Variants in SZT2 observed in about 807,000 individuals in gnomAD.
The protein encoded by SZT2 is SZT2 subunit of KICSTOR complex, also known as KICSTOR complex protein SZT2.
SZT2 carries 216 observed loss-of-function variants against 404.2 expected under a neutral mutation model. The ratio of observed to expected loss-of-function variants is 0.53; its 90% confidence interval spans 0.48 to 0.60. The LOEUF is 0.60. Among genes scored for constraint, SZT2 ranks in the 20% least tolerant of loss-of-function variants. SZT2 has a pLI of 0.00. For synonymous variants in SZT2, 1,693 were observed against 1,749.9 expected, an observed-to-expected ratio of 0.97 and a Z score of 0.81; for missense variants, 3,857 against 4,459.2, an observed-to-expected ratio of 0.86 and a Z score of 3.85.
At chr1:43,415,519 T>G (rs1309145574) in intron 5 of SZT2, among the ~76,000 whole-genome samples, 1 of 152,208 alleles carries the variant, frequency 6.6e-6, no homozygotes, top group African/African-American at 2.4e-5. Context: ...GTTAGCATTT[T>G]GTACAATCAG....
At chr1:43,447,450 G>T (rs1655812216) in intron 66 of SZT2, 95 bp from the exon 67 acceptor site, 1 of 1,509,266 alleles carries the variant, frequency 6.6e-7, no homozygotes, top group African/African-American at 1.4e-5. Context: ...CTGCCTGCCA[G>T]TCAGAGCCTT....
At chr1:43,397,073 C>G (rs1422819525) in intron 1 of SZT2, among the ~76,000 whole-genome samples, 1 of 152,102 alleles carries the variant, frequency 6.6e-6, no homozygotes. Context: ...TACATGTATT[C>G]AACAGTTATT....
At position 43,432,805 on chromosome 1, in the gene SZT2, C is replaced by T; in HGVS notation, c.5602+6C>T. 6.2e-7 allele frequency: 1 copy of T among 1,613,454 alleles called. No individual in the cohort carries two copies. The highest frequency in any genetic ancestry group is 8.5e-7 in the Non-Finnish European group (1 of 1,179,716). On this transcript the variant is annotated splice_donor_region_variant and intron_variant, in intron 39 of 71. Coordinates refer to ENST00000634258, the MANE Select transcript of SZT2 (RefSeq NM_001365999.1). Reference sequence around the variant, plus strand: ...TGTGGACTCAGACCACCTAGGTAAGCTGGGGGGACGGGGTGAAGGACTCTA... The same window carrying T: ...TGTGGACTCAGACCACCTAGGTAAGTTGGGGGGACGGGGTGAAGGACTCTA...
chr1:43,413,373 C>T (rs754570380), intron 4 of SZT2, among the ~76,000 whole-genome samples: 3 of 152,182 alleles, frequency 2.0e-5, no homozygotes, highest in Non-Finnish European at 4.4e-5. Flanking sequence ...CAGAGCAAGA[C>T]TCCATCTCAA....
chr1:43,422,852 C>T lies in SZT2; in HGVS notation c.2006C>T (p.Pro669Leu). The T allele has an allele frequency of 6.3e-7, 1 of 1,591,738 alleles. No individual in the cohort carries two copies. The highest frequency in any genetic ancestry group is 8.5e-7 in the Non-Finnish European group (1 of 1,176,818). The change falls in exon 14 of 72, where the codon CCC becomes CTC. Residue 669 changes from proline to leucine, a missense_variant. Pro to Leu is a moderately conservative substitution (Grantham distance 98). Transcript: ENST00000634258. Reference sequence around the variant, plus strand: ...TGCATGGTTCTTCGCCTGGGTTTTCCCATTGGCACACCAGCACCGGCCCGG... The same window carrying T: ...TGCATGGTTCTTCGCCTGGGTTTTCTCATTGGCACACCAGCACCGGCCCGG... ...APCMVLRLGF[P>L]IGTPAPARHK...
Position 43,452,088 on chromosome 1 carries a change from C to G in SZT2, c.*1608C>G. ...CCCATCAGTCAGTCACTGGTCAAGGCCCTCACCTGTTCCTCTGACCTAGGC... is the reference window on the plus strand; with the variant it reads ...CCCATCAGTCAGTCACTGGTCAAGGGCCTCACCTGTTCCTCTGACCTAGGC... On this transcript the variant is annotated 3_prime_UTR_variant, in exon 72 of 72. Transcript: ENST00000634258. The G allele has an allele frequency of 1.3e-6, 2 of 1,524,826 alleles. No individual in the cohort carries two copies. The highest frequency in any genetic ancestry group is 1.8e-6 in the Non-Finnish European group (2 of 1,109,506). The allele number at this position is 1,524,826 out of a possible 1,614,324, so 94.5% of individuals were successfully genotyped here. A position where few individuals can be genotyped will look rare whatever the true frequency, so the allele number is the denominator to read the frequency against.
chr1:43,424,769 T>C lies in SZT2; in HGVS notation c.2472-15T>C. On this transcript the variant is annotated splice_polypyrimidine_tract_variant and intron_variant, in intron 16 of 71. Coordinates refer to ENST00000634258, the MANE Select transcript of SZT2 (RefSeq NM_001365999.1). This position sits in a 1 kb window ranked among gnomAD's most constrained non-coding sequence, Gnocchi z 4.1. The stretch of plus-strand genomic sequence containing the variant: ...CCCTTATCCTGGCCTTGCCCCGGCC[T>C]TTATGGGGCTTCAGAGTCCGACTTT... The C allele has an allele frequency of 6.2e-7, 1 of 1,613,288 alleles. No individual in the cohort carries two copies. Among genetic ancestry groups the C allele is most frequent in the East Asian group, 2.2e-5 (1 of 44,866 alleles).
chr1:43,423,601 G>C (rs1274809095), intron 15 of SZT2, among the ~76,000 whole-genome samples: 1 of 149,932 alleles, frequency 6.7e-6, no homozygotes, highest in Non-Finnish European at 1.5e-5. Flanking sequence ...GGTATGAGTG[G>C]TACAGAGGTG....
chr1:43,426,774 A>C lies in SZT2; in HGVS notation c.3274A>C (p.Thr1092Pro), dbSNP rs973226216. The change falls in exon 23 of 72, where the codon ACC (threonine) becomes CCC (proline). Residue 1092 changes from threonine to proline, a missense_variant. Around this residue, in one of 7 missense-constraint regions of SZT2, gnomAD observed 1,725 missense variants for 1,881.0 expected, o/e 0.92. Transcript: ENST00000634258. The surrounding 1 kb of genome is among the most constrained non-coding windows in gnomAD (Gnocchi z 4.9). The stretch of plus-strand genomic sequence containing the variant: ...CCCGAAGGAGCAAGCAGTCGGCAGC[A>C]CCCAGGCCACAGGAGACTCCGCTTT... ...GIPKEQAVGSTQATGDSAFTS... is the reference protein window; with the variant it reads ...GIPKEQAVGSPQATGDSAFTS... 6.2e-7 allele frequency: 1 copy of C among 1,613,780 alleles called. No homozygotes were observed. Among genetic ancestry groups the C allele is most frequent in the Non-Finnish European group, 8.5e-7 (1 of 1,179,904 alleles).
rs1219367627 is a variant in SZT2, at chr1:43,442,622, C to T, written c.8151+4C>T. On this transcript the variant is annotated splice_donor_region_variant and intron_variant, in intron 58 of 71. Transcript: ENST00000634258. The surrounding 1 kb of genome is among the most constrained non-coding windows in gnomAD (Gnocchi z 4.5). Reference sequence around the variant, plus strand: ...CTTCCCCGTGCGAGATGAAAAGGTGCCTGCTGCTCTGGTTCTTCCTATAGT... The same window carrying T: ...CTTCCCCGTGCGAGATGAAAAGGTGTCTGCTGCTCTGGTTCTTCCTATAGT... The T allele has an allele frequency of 1.9e-6, 3 of 1,595,334 alleles. No individual in the cohort carries two copies. The highest frequency in any genetic ancestry group is 2.6e-6 in the Non-Finnish European group (3 of 1,169,324).
In SZT2 at chr1:43,446,162, CTTT is replaced by C; in HGVS notation, c.8917-13_8917-11del. ...CTGGTGAGCCCCCAAACCTTGCCCCCTTTTTTGTTTCTTCAGAGCACTAGCTCT... is the reference window on the plus strand; with the variant it reads ...CTGGTGAGCCCCCAAACCTTGCCCCCTTTGTTTCTTCAGAGCACTAGCTCT... On this transcript the variant is annotated splice_polypyrimidine_tract_variant and intron_variant, in intron 63 of 71. Coordinates refer to ENST00000634258, the MANE Select transcript of SZT2 (RefSeq NM_001365999.1). 6.2e-7 allele frequency: 1 copy of C among 1,614,188 alleles called. No homozygotes were observed. Among genetic ancestry groups the C allele is most frequent in the Non-Finnish European group, 8.5e-7 (1 of 1,180,010 alleles).
chr1:43,427,456 C>T lies in SZT2; in HGVS notation c.3598+11C>T, dbSNP rs763970397. The T allele has an allele frequency of 5.6e-6, 9 of 1,611,570 alleles. No homozygotes were observed. In the Admixed American group the frequency reaches 1.0e-4, roughly 18 times the overall value. ...TGACCCTGGCTAGTGGTAAGGCTGC[C>T]GACTCAAGGTGGGCAGGAGTGGGAG... On this transcript the variant is annotated intron_variant, in intron 25 of 71. Transcript: ENST00000634258.
rs764308684 is a variant in SZT2 at position 43,437,559 on chromosome 1, A to C, written c.6291-36A>C. On this transcript the variant is annotated intron_variant, in intron 44 of 71. Coordinates refer to ENST00000634258, the MANE Select transcript of SZT2 (RefSeq NM_001365999.1). This position sits in a 1 kb window ranked among gnomAD's most constrained non-coding sequence, Gnocchi z 5.3. ...GGGCATGAATTAAGGATGGCCTGGG[A>C]GGAGGCATGTCCAAAGACATGCTGC... is the stretch of plus-strand genomic sequence containing the variant. 1 of 1,614,008 alleles carries C rather than the reference A, an allele frequency of 6.2e-7. No individual in the cohort carries two copies. The highest frequency in any genetic ancestry group is 1.1e-5 in the South Asian group (1 of 91,078).
In SZT2 at chr1:43,427,328, G is replaced by A. The variant is rs2153933359; in HGVS notation, c.3481G>A (p.Glu1161Lys). The change falls in exon 25 of 72, where the codon GAG becomes AAG. Residue 1161 changes from glutamate (E) to lysine (K), a missense_variant. Physicochemically the swap from Glu to Lys is moderately conservative, Grantham distance 56. Transcript: ENST00000634258. Reference sequence around the variant, plus strand: ...TGGCCTGGAGGGACCCCCTCAAGAGGAGACAAAGCCTAAGTTTGGGGATTG... The same window carrying A: ...TGGCCTGGAGGGACCCCCTCAAGAGAAGACAAAGCCTAAGTTTGGGGATTG... ...ACGLEGPPQEETKPKFGDWSG... is the reference protein window; with the variant it reads ...ACGLEGPPQEKTKPKFGDWSG... 6.2e-7 allele frequency: 1 copy of A among 1,613,904 alleles called. No homozygotes were observed. The highest frequency in any genetic ancestry group is 1.7e-4 in the Middle Eastern group (1 of 6,058).
chr1:43,437,635 G>C lies in SZT2; in HGVS notation c.6331G>C (p.Asp2111His). Residue 2111 changes from aspartate (D) to histidine (H), a missense_variant, in exon 45 of 72, where the codon GAT (aspartate) becomes CAT (histidine). Physicochemically the swap from Asp to His is moderately conservative, Grantham distance 81. Transcript: ENST00000634258. The surrounding 1 kb of genome is among the most constrained non-coding windows in gnomAD (Gnocchi z 5.3). ...CTGCAGTGACCGGCCATGGAAAGGG[G>C]ATGCGCTGCCCCCTTCCCTCGCTCT... ...TSCSDRPWKG[D>H]ALPPSLALSR... 1 of 1,614,100 alleles carries C rather than the reference G, an allele frequency of 6.2e-7. No individual in the cohort carries two copies. Among genetic ancestry groups the C allele is most frequent in the Non-Finnish European group, 8.5e-7 (1 of 1,180,010 alleles).
rs1265127811 is a variant in SZT2 at position 43,446,643 on chromosome 1, A to G, written c.9072+227A>G. The G allele has an allele frequency of 4.7e-6, 3 of 638,268 alleles. No individual in the cohort carries two copies. In the Admixed American group the frequency reaches 8.2e-5, roughly 18 times the overall value. 39.5% of individuals were successfully genotyped at this position (638,268 alleles called of 1,614,324 possible). ...CAAAGCGTGTTCAGCTGTAGCCCTG[A>G]GGCAGCACAGTGCCTGGTCTGGCCT... is the stretch of plus-strand genomic sequence containing the variant. On this transcript the variant is annotated intron_variant, in intron 65 of 71. Transcript: ENST00000634258.
At position 43,426,196 on chromosome 1, in the gene SZT2, C is replaced by T. The variant is rs1273449696; in HGVS notation, c.3043+45C>T. ...TTTCACCCCACACCTAAAGGGCCAG[C>T]AAGCCTGGAAGTATTAGAAAATAAC... On this transcript the variant is annotated intron_variant, in intron 21 of 71. Coordinates refer to ENST00000634258, the MANE Select transcript of SZT2 (RefSeq NM_001365999.1). The surrounding 1 kb of genome is among the most constrained non-coding windows in gnomAD (Gnocchi z 4.9). 1 of 1,593,254 alleles carries T rather than the reference C, an allele frequency of 6.3e-7. No homozygotes were observed.
intron 65 of SZT2, 79 bp from the exon 66 acceptor site, chr1:43,446,876 C>T: frequency 6.9e-7 from 1 of 1,451,012 alleles, no homozygotes; most frequent in Admixed American, 1.8e-5. Context: ...TGTGCTTCTT[C>T]CCACGGAAGG....
rs890232070 is a variant in SZT2 at position 43,426,001 on chromosome 1, C to T, written c.2930-37C>T. 10 of 1,613,166 alleles carry T rather than the reference C, an allele frequency of 6.2e-6. No homozygotes were observed. The highest frequency in any genetic ancestry group is 8.5e-6 in the Non-Finnish European group (10 of 1,179,190). On this transcript the variant is annotated intron_variant, in intron 20 of 71. Transcript: ENST00000634258. The surrounding 1 kb of genome is among the most constrained non-coding windows in gnomAD (Gnocchi z 4.9). Reference sequence around the variant, plus strand: ...GGAGCAGGGGAGTGGGTAGGGTAATCTGCGTCTCACTGTGTCCTGTCCTTC... The same window carrying T: ...GGAGCAGGGGAGTGGGTAGGGTAATTTGCGTCTCACTGTGTCCTGTCCTTC...
Sources: gnomAD v4.1 joint callset for allele counts (sites outside exome capture counted in the v4.1 genomes callset) on GRCh38, gnomAD v4.1.1 for gene constraint, gnomAD v4.1.1 regional missense constraint, Gnocchi (gnomAD v3.1) non-coding constraint, MANE v1.5 for transcripts, NCBI Gene and HGNC (gene_info 2026-07-23, HGNC 2026-07-21) for gene names.